The following PCDHGA1 variants were observed in gnomAD, a reference collection of about 807,000 sequenced individuals.
PCDHGA1 encodes the protein protocadherin gamma subfamily A, 1.
PCDHGA1 carries 32 observed loss-of-function variants against 58.0 expected under a neutral mutation model. That is an observed-to-expected ratio of 0.55 (90% CI 0.42 to 0.74). PCDHGA1 has a LOEUF of 0.74. Ranked by LOEUF, PCDHGA1 falls within the 30% of genes least tolerant of loss-of-function variation. The probability of loss-of-function intolerance (pLI) is 0.00; values close to 1 mark genes in which losing one functional copy is unlikely to be tolerated. For missense variants in PCDHGA1, 1,205 were observed against 1,182.3 expected (o/e 1.02, Z -0.28); for synonymous variants, 498 against 501.1 (o/e 0.99, Z 0.08).
chr5:141,492,359 C>A (rs1292383129), intron 1 of PCDHGA1, among the ~76,000 whole-genome samples: 3 of 152,336 alleles, frequency 2.0e-5, no homozygotes, highest in African/African-American at 7.2e-5. Flanking sequence ...GCCACTCGCT[C>A]GCGGCCAGAT....
intron 1 of PCDHGA1, among the ~76,000 whole-genome samples, chr5:141,358,380 A>G (rs58934519): frequency 0.08 from 12,098 of 152,164 alleles, 632 homozygotes; most frequent in African/African-American, 0.15. Flanking sequence ...ACACTCTACC[A>G]TGCTTTGCTT....
rs774677754 is a variant in PCDHGA1 at position 141,332,423 on chromosome 5, T to G, written c.1739T>G (p.Leu580Arg). Residue 580 changes from leucine to arginine, a missense_variant, in exon 1 of 4, where the codon CTC (leucine) becomes CGC (arginine). Leu to Arg is a moderately radical substitution (Grantham distance 102). Coordinates refer to ENST00000517417, the MANE Select transcript of PCDHGA1 (RefSeq NM_018912.3). The surrounding 1 kb of genome is among the most constrained non-coding windows in gnomAD (Gnocchi z 4.6). ...DGSTGVELAP[L>R]SAEPGYLVTK... ...TCTACCGGCGTGGAGCTGGCGCCCC[T>G]CTCCGCAGAGCCCGGCTACCTGGTG... 6.2e-5 allele frequency: 100 copies of G among 1,613,650 alleles called. 1 individual carries two copies. The South Asian group carries it at 7.9e-4, about 13-fold the overall frequency.
At chr5:141,389,141 C>T (rs919430175) in intron 1 of PCDHGA1, 1 of 1,613,996 alleles carries the variant, frequency 6.2e-7, no homozygotes, top group Non-Finnish European at 8.5e-7. Flanking sequence ...ACAATATAAC[C>T]GTTACGGCAA....
intron 1 of PCDHGA1, among the ~76,000 whole-genome samples, chr5:141,382,312 C>A (rs1778099412): frequency 6.6e-6 from 1 of 152,130 alleles, no homozygotes; most frequent in Admixed American, 6.5e-5. Flanking sequence ...TTTATATACA[C>A]TGATGTAAAT....
chr5:141,385,223 A>C (rs766051345), intron 1 of PCDHGA1: 6 of 1,614,184 alleles, frequency 3.7e-6, no homozygotes. Flanking sequence ...CAGCCCAACT[A>C]TGTAGACATG....
intron 1 of PCDHGA1, chr5:141,393,690 C>A (rs779487285): frequency 6.2e-7 from 1 of 1,613,752 alleles, no homozygotes; most frequent in African/African-American, 1.3e-5. Flanking sequence ...TCCGTTATTC[C>A]AGCTTAATGA....
chr5:141,430,587 T>C, intron 1 of PCDHGA1: 1 of 521,996 alleles, frequency 1.9e-6, no homozygotes, highest in Non-Finnish European at 3.1e-6. Context: ...CCTGCTCGCC[T>C]TGCACGCGCC....
intron 1 of PCDHGA1, chr5:141,364,713 A>G: frequency 6.2e-7 from 1 of 1,613,984 alleles, no homozygotes; most frequent in Non-Finnish European, 8.5e-7. Context: ...GATATTAATG[A>G]TAACTTCCCG....
chr5:141,439,428 C>T (rs1191911600), intron 1 of PCDHGA1, among the ~76,000 whole-genome samples: 1 of 152,170 alleles, frequency 6.6e-6, no homozygotes, highest in Non-Finnish European at 1.5e-5. Flanking sequence ...TATAAATTCC[C>T]AGGAATATTT....
chr5:141,483,401 A>G (rs1052240280), intron 1 of PCDHGA1, among the ~76,000 whole-genome samples: 2 of 152,202 alleles, frequency 1.3e-5, no homozygotes, highest in African/African-American at 4.8e-5. Context: ...TGCTTGAACC[A>G]GCACAGTGGC....
intron 1 of PCDHGA1, chr5:141,404,463 A>C: frequency 6.2e-7 from 1 of 1,612,548 alleles, no homozygotes. Flanking sequence ...CTCTCCACCT[A>C]TGTCTCTATT....
intron 1 of PCDHGA1, chr5:141,370,869 G>C: frequency 6.2e-7 from 1 of 1,614,036 alleles, no homozygotes. Context: ...ATCTGCGCAA[G>C]ATCCTGATGT....
chr5:141,340,651 C>A, intron 1 of PCDHGA1: 1 of 1,614,220 alleles, frequency 6.2e-7, no homozygotes, highest in Non-Finnish European at 8.5e-7. Flanking sequence ...ACAACGCGCC[C>A]GAGATCCTGT....
Position 141,485,119 on chromosome 5 carries a change from C to A in PCDHGA1, c.2422-9688C>A. 3.0e-6 allele frequency: 4 copies of A among 1,328,812 alleles called. No homozygotes were observed. Among genetic ancestry groups the A allele is most frequent in the Non-Finnish European group, 4.3e-6 (4 of 935,940 alleles). The allele number at this position is 1,328,812 out of a possible 1,614,324, so 82.3% of individuals were successfully genotyped here. ...CTCCAGCTGCTGTGGCTGTTTGGGG[C>A]GGGTCGGCTTCATCCGCGTCTCAGG... On this transcript the variant is annotated intron_variant, in intron 1 of 3. Transcript: ENST00000517417. This position sits in a 1 kb window ranked among gnomAD's most constrained non-coding sequence, Gnocchi z 5.7.
At position 141,432,716 on chromosome 5, in the gene PCDHGA1, C is replaced by A; in HGVS notation, c.2422-62091C>A. 6.2e-7 allele frequency: 1 copy of A among 1,614,030 alleles called. No individual in the cohort carries two copies. The highest frequency in any genetic ancestry group is 1.1e-5 in the South Asian group (1 of 91,084). ...GGCCGTCCAGGACCACGGCCAGCCC[C>A]CTCTCTCCGCCACTGTCACGCTCAC... On this transcript the variant is annotated intron_variant, in intron 1 of 3. Transcript: ENST00000517417. This position sits in a 1 kb window ranked among gnomAD's most constrained non-coding sequence, Gnocchi z 6.0.
At chr5:141,461,757 G>A (rs2099022119) in intron 1 of PCDHGA1, among the ~76,000 whole-genome samples, 1 of 151,994 alleles carries the variant, frequency 6.6e-6, no homozygotes, top group Non-Finnish European at 1.5e-5. Context: ...AGATTCAAGC[G>A]ATTCTCCTGC....
intron 1 of PCDHGA1, chr5:141,427,300 A>G: frequency 2.2e-6 from 1 of 456,912 alleles, no homozygotes; most frequent in Non-Finnish European, 4.4e-6. Flanking sequence ...CTAGATGAGA[A>G]TGACAATGCC....
Position 141,486,674 on chromosome 5 carries a change from G to A in PCDHGA1, c.2422-8133G>A. On this transcript the variant is annotated intron_variant, in intron 1 of 3. Transcript: ENST00000517417. This position sits in a 1 kb window ranked among gnomAD's most constrained non-coding sequence, Gnocchi z 5.0. ...CTCACTCCTGGAGCCCAGGAATCGA[G>A]ATGTATCAGCTTCCTCTTTCATCTC... The A allele has an allele frequency of 1.9e-6, 3 of 1,614,080 alleles. No individual in the cohort carries two copies. Among genetic ancestry groups the A allele is most frequent in the Non-Finnish European group, 2.5e-6 (3 of 1,180,036 alleles).
At chr5:141,433,381 A>ATCTG (rs1561869478) in intron 1 of PCDHGA1, among the ~76,000 whole-genome samples, 2 of 151,148 alleles carry the variant, frequency 1.3e-5, no homozygotes, top group Non-Finnish European at 2.9e-5. Flanking sequence ...CTATCTATCT[A>ATCTG]TCTATCTATC....
Sources: allele counts gnomAD v4.1 joint callset (sites outside exome capture counted in the v4.1 genomes callset), GRCh38; gene constraint gnomAD v4.1.1; non-coding constraint Gnocchi (gnomAD v3.1); transcripts MANE v1.5; gene names NCBI Gene and HGNC (gene_info 2026-07-23, HGNC 2026-07-21).